The following ARHGEF12 variants were observed in gnomAD, a reference collection of about 807,000 sequenced individuals.
ARHGEF12 encodes the protein KMT2A/ARHGEF12 fusion protein.
In ARHGEF12, 66 loss-of-function variants were observed where a neutral mutation model predicts 211.2. That is an observed-to-expected ratio of 0.31 (90% CI 0.26 to 0.38). ARHGEF12 has a LOEUF of 0.38. Among genes scored for constraint, ARHGEF12 ranks in the 10% least tolerant of loss-of-function variants. The probability of loss-of-function intolerance (pLI) is 1.00; values close to 1 mark genes in which losing one functional copy is unlikely to be tolerated. For missense variants in ARHGEF12, 1,429 were observed against 1,869.5 expected (o/e 0.76, Z 4.34); for synonymous variants, 592 against 638.4 (o/e 0.93, Z 1.09).
chr11:120,407,848 A>G (rs767356226), intron 3 of ARHGEF12, 25 bp downstream of exon 3: 1 of 1,579,894 alleles, frequency 6.3e-7, no homozygotes, highest in Non-Finnish European at 8.7e-7. Flanking sequence ...ATTCTTTCAA[A>G]GAGTATTGAG....
intron 13 of ARHGEF12, 51 bp from the exon 14 acceptor site, chr11:120,441,655 AT>A: frequency 7.0e-7 from 1 of 1,426,710 alleles, no homozygotes; most frequent in Non-Finnish European, 9.8e-7. Context: ...CCTACTTTGC[AT>A]TTAGTATTTG....
At chr11:120,468,480 G>T (rs563115990) in intron 29 of ARHGEF12, among the ~76,000 whole-genome samples, 1 of 151,956 alleles carries the variant, frequency 6.6e-6, no homozygotes, top group African/African-American at 2.4e-5. Flanking sequence ...ACGGAGTCTC[G>T]CTCTGTCGCC....
rs753315809 is a variant in ARHGEF12, at chr11:120,441,833, A to G, written c.1203+16A>G. On this transcript the variant is annotated intron_variant, in intron 14 of 40. Coordinates refer to ENST00000397843, the MANE Select transcript of ARHGEF12 (RefSeq NM_015313.3). ...TGCGACTTTGGTAATATATTTTACA[A>G]TCTAGCAGATTCAGAGTTCTTCTGT... 5.6e-6 allele frequency: 9 copies of G among 1,604,080 alleles called. No individual in the cohort carries two copies. The highest frequency in any genetic ancestry group is 1.3e-5 in the African/African-American group (1 of 74,692).
chr11:120,445,569 T>A (rs1946018989), intron 16 of ARHGEF12, 105 bp downstream of exon 16: 2 of 1,114,614 alleles, frequency 1.8e-6, no homozygotes, highest in African/African-American at 3.1e-5. Flanking sequence ...GTCGATCACC[T>A]GAATCACAAC....
At chr11:120,442,480 ACAT>A (rs1945908390) in intron 15 of ARHGEF12, among the ~76,000 whole-genome samples, 1 of 151,522 alleles carries the variant, frequency 6.6e-6, no homozygotes, top group African/African-American at 2.4e-5. Context: ...ACACACACAC[ACAT>A]ATTTGTGTTT....
intron 22 of ARHGEF12, among the ~76,000 whole-genome samples, chr11:120,456,729 C>A (rs1246755864): frequency 6.6e-6 from 1 of 152,072 alleles, no homozygotes; most frequent in Non-Finnish European, 1.5e-5. Context: ...CATGGTGGCT[C>A]ACACCTATAA....
At chr11:120,465,423 A>C (rs1317431473) in intron 28 of ARHGEF12, 61 bp downstream of exon 28, 1 of 1,593,770 alleles carries the variant, frequency 6.3e-7, no homozygotes, top group African/African-American at 1.3e-5. Flanking sequence ...TTATCAGATA[A>C]ACTGGGGGAA....
chr11:120,429,867 G>C, intron 10 of ARHGEF12, 36 bp downstream of exon 10: 1 of 1,571,660 alleles, frequency 6.4e-7, no homozygotes, highest in Non-Finnish European at 8.6e-7. Flanking sequence ...CCAACTTTTT[G>C]CAGGAGAATT....
At position 120,443,216 on chromosome 11, in the gene ARHGEF12, C is replaced by T. The variant is rs545712780; in HGVS notation, c.1302+1014C>T. Among the ~76,000 whole-genome samples, 13 of 151,834 alleles carry T rather than the reference C, an allele frequency of 8.6e-5. No individual in the cohort carries two copies. The South Asian group carries it at 1.5e-3, about 17-fold the overall frequency. Reference sequence around the variant, plus strand: ...TTTGTATTTTGTAGAGCCGGGGTTTCGCCATGTTGCCCAGGCTGGTCTTGA... The same window carrying T: ...TTTGTATTTTGTAGAGCCGGGGTTTTGCCATGTTGCCCAGGCTGGTCTTGA... On this transcript the variant is annotated intron_variant, in intron 15 of 40. Coordinates refer to ENST00000397843, the MANE Select transcript of ARHGEF12 (RefSeq NM_015313.3).
chr11:120,382,150 A>G (rs1377270984), intron 1 of ARHGEF12, among the ~76,000 whole-genome samples: 1 of 152,204 alleles, frequency 6.6e-6, no homozygotes, highest in Non-Finnish European at 1.5e-5. Flanking sequence ...GTAAATGTCC[A>G]TGGCCAGGTT....
At chr11:120,419,242 G>A (rs905735930) in intron 4 of ARHGEF12, among the ~76,000 whole-genome samples, 5 of 151,876 alleles carry the variant, frequency 3.3e-5, no homozygotes, top group Admixed American at 6.5e-5. Context: ...TTACAGGCCC[G>A]GCCTGCCTTT....
chr11:120,475,788 T>A (rs1314970115), intron 33 of ARHGEF12, among the ~76,000 whole-genome samples: 1 of 152,248 alleles, frequency 6.6e-6, no homozygotes, highest in African/African-American at 2.4e-5. Flanking sequence ...ATGAAAAGCC[T>A]TTCATTTAGG....
intron 11 of ARHGEF12, among the ~76,000 whole-genome samples, chr11:120,435,680 A>G (rs556872971): frequency 2.0e-5 from 3 of 151,534 alleles, no homozygotes; most frequent in Non-Finnish European, 4.4e-5. Context: ...ATGCCCGGCT[A>G]ATTTTTTTTG....
rs557729522 is a variant in ARHGEF12, at chr11:120,465,760, G to A, written c.2739+398G>A. On this transcript the variant is annotated intron_variant, in intron 28 of 40. Coordinates refer to ENST00000397843, the MANE Select transcript of ARHGEF12 (RefSeq NM_015313.3). Reference sequence around the variant, plus strand: ...TTACAGGTGTGAGCCACTGCACCTGGCCCACGTTAACATTTTTAAAAGCAA... The same window carrying A: ...TTACAGGTGTGAGCCACTGCACCTGACCCACGTTAACATTTTTAAAAGCAA... 2.6e-5 allele frequency among the ~76,000 whole-genome samples: 4 copies of A among 152,308 alleles called. No individual in the cohort carries two copies. The South Asian group carries it at 8.3e-4, about 32-fold the overall frequency.
At chr11:120,472,936 T>G (rs1565509226) in intron 30 of ARHGEF12, 114 bp from the exon 31 acceptor site, 3 of 871,782 alleles carry the variant, frequency 3.4e-6, no homozygotes, top group Non-Finnish European at 5.6e-6. Flanking sequence ...ATTACAGGTG[T>G]GAGCCACCAC....
intron 10 of ARHGEF12, among the ~76,000 whole-genome samples, chr11:120,430,973 C>A (rs957843241): frequency 6.6e-6 from 1 of 151,972 alleles, no homozygotes; most frequent in Admixed American, 6.6e-5. Flanking sequence ...AATATTCTTA[C>A]CCTGTTTGGA....
intron 15 of ARHGEF12, among the ~76,000 whole-genome samples, chr11:120,444,667 A>T (rs1850760884): frequency 6.6e-6 from 1 of 152,238 alleles, no homozygotes; most frequent in Non-Finnish European, 1.5e-5. Flanking sequence ...TACAATACAA[A>T]ATAAGCAGGA....
rs572556772 is a variant in ARHGEF12 at position 120,408,097 on chromosome 11, G to A, written c.142+274G>A. The A allele has an allele frequency of 1.4e-5, 4 of 275,954 alleles. No individual in the cohort carries two copies. The South Asian group carries it at 5.9e-4, about 41-fold the overall frequency. The allele number at this position is 275,954 out of a possible 1,614,324, so 17.1% of individuals were successfully genotyped here. On this transcript the variant is annotated intron_variant, in intron 3 of 40. Coordinates refer to ENST00000397843, the MANE Select transcript of ARHGEF12 (RefSeq NM_015313.3). ...TAGAAATGGTTATATAATAATTGGA[G>A]ATTTGGTCAGATCAAGAACTCAGTG...
intron 11 of ARHGEF12, 48 bp downstream of exon 11, chr11:120,431,959 C>G (rs768265053): frequency 2.1e-5 from 31 of 1,487,892 alleles, no homozygotes; most frequent in Non-Finnish European, 2.7e-5. Context: ...TTCTTCTTTA[C>G]AGCCCCTTTC....
Sources: gnomAD v4.1 joint callset for allele counts (sites outside exome capture counted in the v4.1 genomes callset) on GRCh38, gnomAD v4.1.1 for gene constraint, MANE v1.5 for transcripts, NCBI Gene and HGNC (gene_info 2026-07-23, HGNC 2026-07-21) for gene names.